The following TMPRSS4 variants were observed in gnomAD, a reference collection of about 807,000 sequenced individuals.
TMPRSS4 encodes the protein transmembrane protease serine 4.
TMPRSS4 carries 45 observed loss-of-function variants against 56.4 expected under a neutral mutation model. The ratio of observed to expected loss-of-function variants is 0.80; its 90% CI spans 0.63 to 1.02. The LOEUF is 1.02. Ranked by LOEUF, TMPRSS4 falls within the 50% of genes least tolerant of loss-of-function variation. The pLI, the probability that TMPRSS4 is intolerant of heterozygous loss-of-function variation, is 0.00. For missense variants in TMPRSS4, 546 were observed against 556.7 expected, an observed-to-expected ratio of 0.98 and a Z score of 0.19; for synonymous variants, 205 against 211.0, an observed-to-expected ratio of 0.97 and a Z score of 0.25.
At chr11:118,112,160 C>T (rs1302481006) in intron 8 of TMPRSS4, among the ~76,000 whole-genome samples, 1 of 152,124 alleles carries the variant, frequency 6.6e-6, no homozygotes, top group Non-Finnish European at 1.5e-5. Context: ...ACCCCACCCC[C>T]ATATCGTTCA....
intron 1 of TMPRSS4, among the ~76,000 whole-genome samples, chr11:118,078,736 C>A (rs2135183356): frequency 6.6e-6 from 1 of 152,270 alleles, no homozygotes; most frequent in South Asian, 2.1e-4. Flanking sequence ...ATTTCTAGGG[C>A]AGGTCACTAA....
At chr11:118,115,466 T>C (rs1279036037) in intron 11 of TMPRSS4, 186 bp downstream of exon 11, 11 of 646,316 alleles carry the variant, frequency 1.7e-5, no homozygotes, top group Non-Finnish European at 2.9e-5. Flanking sequence ...AATAGATGAG[T>C]GGGTGGATGG....
chr11:118,090,119 G>A (rs1488364504), intron 1 of TMPRSS4, among the ~76,000 whole-genome samples: 1 of 152,142 alleles, frequency 6.6e-6, no homozygotes, highest in Non-Finnish European at 1.5e-5. Flanking sequence ...TGGGATTACA[G>A]GTGTAAGCCA....
At chr11:118,108,503 T>C (rs920792990) in intron 6 of TMPRSS4, 1 of 264,076 alleles carries the variant, frequency 3.8e-6, no homozygotes, top group African/African-American at 2.2e-5. Context: ...TTACCTAAAA[T>C]TCTATCAAAA....
intron 1 of TMPRSS4, among the ~76,000 whole-genome samples, chr11:118,089,207 C>T (rs150414912): frequency 4.1e-4 from 63 of 152,256 alleles, no homozygotes; most frequent in African/African-American, 1.5e-3. Context: ...TTCTGCAGCT[C>T]CTCTTCCAAA....
At chr11:118,095,125 T>C (rs879422662) in intron 2 of TMPRSS4, 4 of 495,536 alleles carry the variant, frequency 8.1e-6, no homozygotes, top group Non-Finnish European at 1.5e-5. Context: ...GTCACTCTTA[T>C]CCTTTCAGTA....
chr11:118,104,972 C>A, intron 5 of TMPRSS4, 152 bp downstream of exon 5: 1 of 893,796 alleles, frequency 1.1e-6, no homozygotes, highest in Non-Finnish European at 1.6e-6. Flanking sequence ...TTATAAGCAA[C>A]ATGAAGTTAA....
At chr11:118,081,278 G>C (rs2135214794) in intron 1 of TMPRSS4, among the ~76,000 whole-genome samples, 1 of 152,340 alleles carries the variant, frequency 6.6e-6, no homozygotes, top group Admixed American at 6.5e-5. Context: ...GAGGGGGATG[G>C]GCATGAGGGA....
intron 11 of TMPRSS4, among the ~76,000 whole-genome samples, chr11:118,116,805 T>G (rs2135466678): frequency 6.7e-6 from 1 of 149,636 alleles, no homozygotes; most frequent in African/African-American, 2.5e-5. Flanking sequence ...CCTCCGCCTC[T>G]GGGTTCGAAT....
chr11:118,105,214 TCAA>T (rs1383760965), intron 5 of TMPRSS4, among the ~76,000 whole-genome samples: 1 of 152,164 alleles, frequency 6.6e-6, no homozygotes, highest in Admixed American at 6.5e-5. Flanking sequence ...GTTAACTTAT[TCAA>T]AGTTTCGTTA....
At chr11:118,104,862 T>C (rs761474933) in intron 5 of TMPRSS4, 42 bp downstream of exon 5, 10 of 1,500,024 alleles carry the variant, frequency 6.7e-6, no homozygotes, top group Non-Finnish European at 8.9e-6. Context: ...TCCTTCCTCC[T>C]TCCTCCTCTT....
intron 2 of TMPRSS4, among the ~76,000 whole-genome samples, chr11:118,096,153 A>G (rs1053322426): frequency 9.2e-5 from 14 of 152,232 alleles, no homozygotes; most frequent in Admixed American, 9.2e-4. Flanking sequence ...GGCCACAGGA[A>G]AGAGGACAAT....
intron 1 of TMPRSS4, among the ~76,000 whole-genome samples, chr11:118,079,682 T>G (rs527481263): frequency 6.6e-6 from 1 of 152,270 alleles, no homozygotes; most frequent in South Asian, 2.1e-4. Flanking sequence ...TGGTCCTCCC[T>G]CCCACCTCCT....
At chr11:118,102,684 G>A (rs1415098820) in intron 3 of TMPRSS4, among the ~76,000 whole-genome samples, 2 of 152,186 alleles carry the variant, frequency 1.3e-5, no homozygotes, top group African/African-American at 4.8e-5. Flanking sequence ...ACTCCAGCCT[G>A]GATGACAGAG....
intron 5 of TMPRSS4, among the ~76,000 whole-genome samples, chr11:118,105,084 A>AAC (rs113661712): frequency 0.057 from 8,682 of 151,594 alleles, 611 homozygotes; most frequent in African/African-American, 0.16. Context: ...GCTGCCCTCC[A>AAC]ACACACACAC....
chr11:118,102,924 A>T, intron 3 of TMPRSS4, 177 bp from the exon 4 acceptor site: 1 of 747,102 alleles, frequency 1.3e-6, no homozygotes, highest in Non-Finnish European at 2.2e-6. Flanking sequence ...TCTCCACTTT[A>T]CAGACAAGGA....
intron 1 of TMPRSS4, among the ~76,000 whole-genome samples, chr11:118,081,446 G>A (rs556654279): frequency 6.6e-6 from 1 of 152,354 alleles, no homozygotes; most frequent in East Asian, 1.9e-4. Flanking sequence ...GTGTAAACAA[G>A]ATGGAAAACC....
At chr11:118,096,555 G>A (rs1946299285) in intron 2 of TMPRSS4, among the ~76,000 whole-genome samples, 1 of 151,994 alleles carries the variant, frequency 6.6e-6, no homozygotes. Flanking sequence ...AGGCCAAGGT[G>A]GGGGTGGATC....
intron 1 of TMPRSS4, chr11:118,086,970 CTT>C (rs1945605114): frequency 6.6e-6 from 1 of 152,386 alleles, no homozygotes; most frequent in African/African-American, 2.4e-5. Flanking sequence ...CTCTGGGTCT[CTT>C]GGCTTACCCG....
Sources: gnomAD v4.1 joint callset for allele counts (sites outside exome capture counted in the v4.1 genomes callset) on GRCh38, gnomAD v4.1.1 for gene constraint, MANE v1.5 for transcripts, NCBI Gene and HGNC (gene_info 2026-07-23, HGNC 2026-07-21) for gene names.